ARHGAP10: variants seen among roughly 807,000 people sequenced by gnomAD.
ARHGAP10 encodes the protein rho GTPase-activating protein 10.
ARHGAP10 carries 87 observed loss-of-function variants against 108.6 expected under a neutral mutation model. The ratio of observed to expected loss-of-function variants is 0.80; its 90% CI spans 0.67 to 0.96. The LOEUF is 0.96. ARHGAP10 is among the 40% of genes least tolerant of loss of function. The pLI, the probability that ARHGAP10 is intolerant of heterozygous loss-of-function variation, is 0.00. For synonymous variants in ARHGAP10, 347 were observed against 341.1 expected (o/e 1.02, Z -0.19); for missense variants, 939 against 954.5 (o/e 0.98, Z 0.21).
chr4:147,917,151 C>T (rs1737022112), intron 13 of ARHGAP10: 1 of 152,192 alleles, frequency 6.6e-6, no homozygotes, highest in Non-Finnish European at 1.5e-5. Context: ...TAGCTCTCAG[C>T]TGGGGCTCTA....
chr4:148,018,929 A>G (rs1445308445), intron 18 of ARHGAP10, among the ~76,000 whole-genome samples: 1 of 152,228 alleles, frequency 6.6e-6, no homozygotes, highest in African/African-American at 2.4e-5. Context: ...ACTTACCTCA[A>G]AGGCTGTTGA....
At position 147,874,905 on chromosome 4, in the gene ARHGAP10, A is replaced by G. The variant is rs368662689; in HGVS notation, c.703-116A>G. ...AATGGGGGTATTTTGAGAAATTTAT[A>G]AAAAAGTTATTTAGAGTTAAAAAAT... On this transcript the variant is annotated intron_variant, in intron 7 of 22. Transcript: ENST00000336498. 9 of 1,151,378 alleles carry G rather than the reference A, an allele frequency of 7.8e-6. No individual in the cohort carries two copies. The East Asian group carries it at 1.9e-4, about 25-fold the overall frequency. 71.3% of individuals were successfully genotyped at this position (1,151,378 alleles called of 1,614,324 possible).
intron 5 of ARHGAP10, chr4:147,857,877 AT>A (rs555482511): frequency 4.0e-6 from 1 of 249,592 alleles, no homozygotes; most frequent in Non-Finnish European, 7.2e-6. Flanking sequence ...TAGTAGTAAA[AT>A]TTTTGTTTCT....
At chr4:147,844,854 C>A (rs1208265628) in intron 3 of ARHGAP10, among the ~76,000 whole-genome samples, 1 of 152,190 alleles carries the variant, frequency 6.6e-6, no homozygotes, top group African/African-American at 2.4e-5. Flanking sequence ...TTTCATCTCT[C>A]CCTCAGCAGC....
chr4:147,750,447 A>G (rs1448019641), intron 1 of ARHGAP10, among the ~76,000 whole-genome samples: 1 of 152,226 alleles, frequency 6.6e-6, no homozygotes, highest in Non-Finnish European at 1.5e-5. Flanking sequence ...TTGTGTGTGC[A>G]TAATCTAATC....
chr4:147,911,646 G>A (rs1579191247), intron 12 of ARHGAP10, among the ~76,000 whole-genome samples: 1 of 147,600 alleles, frequency 6.8e-6, no homozygotes, highest in Non-Finnish European at 1.5e-5. Flanking sequence ...ACAGGCGTGA[G>A]CCACCGCGCC....
chr4:148,070,604 A>C (rs1416706983), intron 22 of ARHGAP10, among the ~76,000 whole-genome samples: 1 of 152,180 alleles, frequency 6.6e-6, no homozygotes, highest in South Asian at 2.1e-4. Flanking sequence ...ACACAAATCT[A>C]TGGGGAAAAA....
intron 18 of ARHGAP10, among the ~76,000 whole-genome samples, chr4:147,968,566 TA>T (rs2149615848): frequency 6.6e-6 from 1 of 152,358 alleles, no homozygotes; most frequent in South Asian, 2.1e-4. Flanking sequence ...ATTTCTGGTT[TA>T]AAATGAATAA....
At chr4:147,791,722 T>A (rs982463247) in intron 1 of ARHGAP10, among the ~76,000 whole-genome samples, 1 of 152,034 alleles carries the variant, frequency 6.6e-6, no homozygotes, top group Non-Finnish European at 1.5e-5. Flanking sequence ...GTAGCTGAGA[T>A]TATAGGCACC....
rs868091999 is a variant in ARHGAP10 at position 147,991,153 on chromosome 4, A to T, written c.1716+24314A>T. 6.6e-5 allele frequency among the ~76,000 whole-genome samples: 10 copies of T among 151,950 alleles called. 3 individuals are homozygous for T. Among genetic ancestry groups the T allele is most frequent in the South Asian group, 2.1e-4 (1 of 4,808 alleles). On this transcript the variant is annotated intron_variant, in intron 18 of 22. Coordinates refer to ENST00000336498, the MANE Select transcript of ARHGAP10 (RefSeq NM_024605.4). ...ATGTGTACCCCTGAACCTAAAAAAA[A>T]AAAAAAATAAATAAAAGAAAACAAA...
intron 1 of ARHGAP10, among the ~76,000 whole-genome samples, chr4:147,801,470 A>G (rs1027671354): frequency 6.6e-6 from 1 of 152,230 alleles, no homozygotes; most frequent in Non-Finnish European, 1.5e-5. Context: ...GAATACAGGA[A>G]AAGAATCCAG....
chr4:147,878,252 C>T (rs187624969), intron 8 of ARHGAP10, among the ~76,000 whole-genome samples: 4 of 152,252 alleles, frequency 2.6e-5, no homozygotes, highest in African/African-American at 4.8e-5. Flanking sequence ...CGTGCCACCA[C>T]GCCTGGCTAA....
intron 14 of ARHGAP10, among the ~76,000 whole-genome samples, chr4:147,940,984 G>T (rs968628687): frequency 7.2e-5 from 11 of 152,146 alleles, no homozygotes; most frequent in Non-Finnish European, 1.5e-4. Context: ...TGCAATTTTG[G>T]CAGTCAGATT....
At chr4:148,056,939 C>T (rs1055710084) in intron 20 of ARHGAP10, among the ~76,000 whole-genome samples, 6 of 152,148 alleles carry the variant, frequency 3.9e-5, no homozygotes, top group Admixed American at 6.5e-5. Flanking sequence ...CAGGGCTTTA[C>T]GCCTATCATC....
At chr4:147,927,822 A>C (rs1447731161) in intron 13 of ARHGAP10, among the ~76,000 whole-genome samples, 2 of 152,220 alleles carry the variant, frequency 1.3e-5, no homozygotes, top group African/African-American at 4.8e-5. Flanking sequence ...GGAAAAACTG[A>C]AGGGCACATT....
chr4:147,998,278 AATAG>A (rs1258562562), intron 18 of ARHGAP10, among the ~76,000 whole-genome samples: 78 of 152,216 alleles, frequency 5.1e-4, no homozygotes, highest in African/African-American at 1.8e-3. Context: ...ATACAGAAAT[AATAG>A]ATATACAGTG....
intron 1 of ARHGAP10, among the ~76,000 whole-genome samples, chr4:147,805,301 T>A (rs1731738922): frequency 6.6e-6 from 1 of 152,210 alleles, no homozygotes; most frequent in Non-Finnish European, 1.5e-5. Flanking sequence ...GAGGCTTTAT[T>A]TCTGGGCTCT....
chr4:148,039,368 A>ATTTTTTTTTTTTTTTTTTTTTTTTTTTT (rs34876546), intron 19 of ARHGAP10, among the ~76,000 whole-genome samples: 3 of 73,086 alleles, frequency 4.1e-5, no homozygotes, highest in East Asian at 4.4e-4. Flanking sequence ...TACTACTTCA[A>ATTTTTTTTTTTTTTTTTTTTTTTTTTTT]TTTTTTTTTT....
intron 11 of ARHGAP10, 133 bp downstream of exon 11, chr4:147,906,852 G>A (rs1736517976): frequency 2.9e-6 from 3 of 1,020,962 alleles, no homozygotes; most frequent in African/African-American, 3.2e-5. Flanking sequence ...CATCGTGGAA[G>A]CATTCAACAT....
Sources: gnomAD v4.1 joint callset for allele counts (sites outside exome capture counted in the v4.1 genomes callset) on GRCh38, gnomAD v4.1.1 for gene constraint, MANE v1.5 for transcripts, NCBI Gene and HGNC (gene_info 2026-07-23, HGNC 2026-07-21) for gene names.